ZNF445: variants seen among roughly 807,000 people sequenced by gnomAD.
ZNF445 encodes the protein zinc finger protein 168.
Under a neutral mutation model 93.9 loss-of-function variants are expected in ZNF445, and 19 were observed. The observed-to-expected ratio is 0.20, with a 90% CI of 0.14 to 0.30. ZNF445 has a LOEUF of 0.30. ZNF445 is among the 10% of genes least tolerant of loss of function. The pLI is 1.00. For synonymous variants in ZNF445, 449 were observed against 446.3 expected, an observed-to-expected ratio of 1.01 and a Z score of -0.08; for missense variants, 1,058 against 1,259.4, an observed-to-expected ratio of 0.84 and a Z score of 2.42.
At position 44,434,594 on chromosome 3, in the gene ZNF445, G is replaced by C. The variant is rs968613930; in HGVS notation, c.*11981C>G. On this transcript the variant is annotated 3_prime_UTR_variant, in exon 8 of 8. Coordinates refer to ENST00000396077, the MANE Select transcript of ZNF445 (RefSeq NM_181489.6). ...ATATAATGGACCAGTGTGTCGTCCTGAGGGTGAAAAGGTTCTCAAAGGACC... is the reference window on the plus strand; with the variant it reads ...ATATAATGGACCAGTGTGTCGTCCTCAGGGTGAAAAGGTTCTCAAAGGACC... The C allele has an allele frequency of 6.6e-6, 1 of 152,192 alleles. No homozygotes were observed. Among genetic ancestry groups the C allele is most frequent in the Non-Finnish European group, 1.5e-5 (1 of 68,046 alleles). The allele number at this position is 152,192 out of a possible 1,614,324, so 9.4% of individuals were successfully genotyped here.
intron 1 of ZNF445, among the ~76,000 whole-genome samples, chr3:44,465,885 G>C (rs1698186210): frequency 6.6e-6 from 1 of 152,186 alleles, no homozygotes; most frequent in South Asian, 2.1e-4. Flanking sequence ...TGGCACTCCA[G>C]ACTGGGCTAC....
At position 44,431,902 on chromosome 3, in the gene ZNF445, T is replaced by A. The variant is rs1456022501; in HGVS notation, c.*14673A>T. ...AATGAATGAATATATCTGAAGATTA[T>A]ATGAAATTTATTTTTTATTTTTTAT... On this transcript the variant is annotated 3_prime_UTR_variant, in exon 8 of 8. Coordinates refer to ENST00000396077, the MANE Select transcript of ZNF445 (RefSeq NM_181489.6). The A allele has an allele frequency of 1.3e-5, 2 of 152,070 alleles. No individual in the cohort carries two copies. The highest frequency in any genetic ancestry group is 4.8e-5 in the African/African-American group (2 of 41,332). 9.4% of individuals were successfully genotyped at this position (152,070 alleles called of 1,614,324 possible). A position where few individuals can be genotyped will look rare whatever the true frequency, so the allele number is the denominator to read the frequency against.
At chr3:44,475,888 A>C (rs556832094) in intron 1 of ZNF445, among the ~76,000 whole-genome samples, 2 of 152,230 alleles carry the variant, frequency 1.3e-5, no homozygotes, top group African/African-American at 4.8e-5. Flanking sequence ...AATCCCAGCT[A>C]CTTGGGAGGC....
At position 44,439,310 on chromosome 3, in the gene ZNF445, C is replaced by CAAAAAAAAAAAAA; in HGVS notation, c.*7252_*7264dup. 3.2e-5 allele frequency: 2 copies of CAAAAAAAAAAAAA among 62,784 alleles called. 1 individual carries two copies. Among genetic ancestry groups the CAAAAAAAAAAAAA allele is most frequent in the Non-Finnish European group, 6.4e-5 (2 of 31,102 alleles). 3.9% of individuals were successfully genotyped at this position (62,784 alleles called of 1,614,324 possible). ...TGGGTGACAGGGTGAGACCTTGTCT[C>CAAAAAAAAAAAAA]AAAAAAAAAAAAAAAAAAAAAGCAA... On this transcript the variant is annotated 3_prime_UTR_variant, in exon 8 of 8. Coordinates refer to ENST00000396077, the MANE Select transcript of ZNF445 (RefSeq NM_181489.6).
At position 44,450,199 on chromosome 3, in the gene ZNF445, G is replaced by A. The variant is rs182084962; in HGVS notation, c.820+248C>T. The A allele has an allele frequency of 7.0e-4, 338 of 484,402 alleles. 3 individuals carry two copies. The East Asian group carries it at 0.011, about 15-fold the overall frequency. 30.0% of individuals were successfully genotyped at this position (484,402 alleles called of 1,614,324 possible). On this transcript the variant is annotated intron_variant, in intron 6 of 7. Coordinates refer to ENST00000396077, the MANE Select transcript of ZNF445 (RefSeq NM_181489.6). The stretch of plus-strand genomic sequence containing the variant: ...AGCAATCTTCCCACCTGGGCCTCCC[G>A]AAGTGGTGGGATTACAGGTGTGAGC...
chr3:44,460,536 C>T (rs962758457), intron 1 of ZNF445, among the ~76,000 whole-genome samples: 2 of 152,196 alleles, frequency 1.3e-5, no homozygotes, highest in African/African-American at 4.8e-5. Context: ...CTGGCACAAC[C>T]CAGATCAATA....
chr3:44,447,344 A>G lies in ZNF445; in HGVS notation c.2327T>C (p.Phe776Ser). The change falls in exon 8 of 8, where the codon TTC becomes TCC. Residue 776 changes from phenylalanine to serine, a missense_variant. Coordinates refer to ENST00000396077, the MANE Select transcript of ZNF445 (RefSeq NM_181489.6). This position sits in a 1 kb window ranked among gnomAD's most constrained non-coding sequence, Gnocchi z 4.7. The stretch of plus-strand genomic sequence containing the variant: ...GTGAACTCTCTGATGGATGAGGAGG[A>G]ATGAGTGATTGCGGAAGGCCTTGCC... Reference protein sequence around the residue: ...QCGKAFRNHSFLLIHQRVHTG... With the variant: ...QCGKAFRNHSSLLIHQRVHTG... 6.2e-7 allele frequency: 1 copy of G among 1,614,042 alleles called. No homozygotes were observed. The highest frequency in any genetic ancestry group is 1.1e-5 in the South Asian group (1 of 91,076).
At chr3:44,460,004 C>A (rs1018502207) in intron 1 of ZNF445, among the ~76,000 whole-genome samples, 1 of 152,092 alleles carries the variant, frequency 6.6e-6, no homozygotes, top group African/African-American at 2.4e-5. Context: ...GAATTCAAGA[C>A]CAGCTTGGGC....
Position 44,454,964 on chromosome 3 carries a change from G to A in ZNF445, c.429+157C>T, listed in dbSNP as rs182992729. ...TACCTGCTAAAGGGTCCGTGGCTCA[G>A]GGTCCCGTTCTCAGCTGCTCAGGTA... On this transcript the variant is annotated intron_variant, in intron 3 of 7. Coordinates refer to ENST00000396077, the MANE Select transcript of ZNF445 (RefSeq NM_181489.6). The A allele has an allele frequency of 6.0e-5, 51 of 852,158 alleles. No individual in the cohort carries two copies. The Admixed American group carries it at 9.8e-4, about 16-fold the overall frequency. The allele number at this position is 852,158 out of a possible 1,614,324, so 52.8% of individuals were successfully genotyped here. A position where few individuals can be genotyped will look rare whatever the true frequency, so the allele number is the denominator to read the frequency against.
chr3:44,465,756 T>C (rs1360824035), intron 1 of ZNF445, among the ~76,000 whole-genome samples: 1 of 151,988 alleles, frequency 6.6e-6, no homozygotes, highest in African/African-American at 2.4e-5. Flanking sequence ...CTACTAAAAA[T>C]ACAAAAAATT....
rs2372688 is a variant in ZNF445 at position 44,444,330 on chromosome 3, C to T, written c.*2245G>A. On this transcript the variant is annotated 3_prime_UTR_variant, in exon 8 of 8. Transcript: ENST00000396077. ...GGCCCTGGTCCTAGAGGTCAACCACCTGATGGAGAGCCTTGGTAAACCAAG... is the reference window on the plus strand; with the variant it reads ...GGCCCTGGTCCTAGAGGTCAACCACTTGATGGAGAGCCTTGGTAAACCAAG... 106,824 of 152,032 alleles carry T rather than the reference C, an allele frequency of 0.7. 38,099 individuals carry two copies. Among genetic ancestry groups the T allele is most frequent in the East Asian group, 1 (5,174 of 5,178 alleles). The allele number at this position is 152,032 out of a possible 1,614,324, so 9.4% of individuals were successfully genotyped here. A position where few individuals can be genotyped will look rare whatever the true frequency, so the allele number is the denominator to read the frequency against.
rs1185501989 is a variant in ZNF445, at chr3:44,442,925, T to A, written c.*3650A>T. 3 of 152,164 alleles carry A rather than the reference T, an allele frequency of 2.0e-5. No individual in the cohort carries two copies. The highest frequency in any genetic ancestry group is 7.2e-5 in the African/African-American group (3 of 41,442). The allele number at this position is 152,164 out of a possible 1,614,324, so 9.4% of individuals were successfully genotyped here. A position where few individuals can be genotyped will look rare whatever the true frequency, so the allele number is the denominator to read the frequency against. On this transcript the variant is annotated 3_prime_UTR_variant, in exon 8 of 8. Coordinates refer to ENST00000396077, the MANE Select transcript of ZNF445 (RefSeq NM_181489.6). ...GCTTCAGATTCCTTAACAGAGGTAA[T>A]TTTGTGCAAGATATTTTCTGCATGG...
chr3:44,477,477 T>G (rs1400181964), intron 1 of ZNF445, 114 bp downstream of exon 1: 4 of 151,716 alleles, frequency 2.6e-5, no homozygotes, highest in Non-Finnish European at 5.9e-5. Flanking sequence ...GGGCGCAGCC[T>G]CCAGGCCGGG....
At chr3:44,470,850 A>AG (rs1698259196) in intron 1 of ZNF445, among the ~76,000 whole-genome samples, 1 of 152,152 alleles carries the variant, frequency 6.6e-6, no homozygotes, top group Admixed American at 6.5e-5. Flanking sequence ...CACATTCTTG[A>AG]GGGGGGACTT....
chr3:44,461,020 C>T (rs573298983), intron 1 of ZNF445, among the ~76,000 whole-genome samples: 1 of 152,300 alleles, frequency 6.6e-6, no homozygotes, highest in South Asian at 2.1e-4. Flanking sequence ...CCCATGTGCA[C>T]AGATTTAATA....
chr3:44,451,055 T>C, intron 4 of ZNF445, 93 bp from the exon 5 acceptor site: 1 of 1,128,462 alleles, frequency 8.9e-7, no homozygotes, highest in South Asian at 1.6e-5. Flanking sequence ...CCTGGACCCA[T>C]GAGCAGGTAC....
rs1698139226 is a variant in ZNF445, at chr3:44,462,998, ATTAT to A, written c.-268-4638_-268-4635del. 7.6e-5 allele frequency among the ~76,000 whole-genome samples: 11 copies of A among 144,162 alleles called. 1 individual carries two copies. The South Asian group carries it at 2.6e-3, about 34-fold the overall frequency. The allele number at this position is 144,162 out of a possible 152,430, so 94.6% of individuals were successfully genotyped here. On this transcript the variant is annotated intron_variant, in intron 1 of 7. Coordinates refer to ENST00000396077, the MANE Select transcript of ZNF445 (RefSeq NM_181489.6). ...AGATTTTTTCTTCTCAGTCAACTGA[ATTAT>A]TTTTTTCTTTGTGTGTGTGTGTGTG...
At chr3:44,450,789 C>A in intron 5 of ZNF445, 79 bp downstream of exon 5, 1 of 1,359,216 alleles carries the variant, frequency 7.4e-7, no homozygotes, top group African/African-American at 1.5e-5. Context: ...GACAGAGAAA[C>A]CCAGGATGGG....
chr3:44,474,252 T>A (rs1575319677), intron 1 of ZNF445, among the ~76,000 whole-genome samples: 3 of 152,288 alleles, frequency 2.0e-5, no homozygotes, highest in Admixed American at 2.0e-4. Flanking sequence ...CGGTGGCTCA[T>A]GCCTGTAATC....
Sources: gnomAD v4.1 joint callset for allele counts (sites outside exome capture counted in the v4.1 genomes callset) on GRCh38, gnomAD v4.1.1 for gene constraint, Gnocchi (gnomAD v3.1) non-coding constraint, MANE v1.5 for transcripts, NCBI Gene and HGNC (gene_info 2026-07-23, HGNC 2026-07-21) for gene names.